The following NDUFAF7 variants were observed in gnomAD, a reference collection of about 807,000 sequenced individuals.
NDUFAF7 encodes protein arginine methyltransferase NDUFAF7, mitochondrial.
A neutral mutation model predicts 47.2 loss-of-function variants in NDUFAF7; 48 were observed. The observed-to-expected ratio is 1.02, with a 90% confidence interval of 0.81 to 1.29. NDUFAF7 has a LOEUF of 1.29. Ranked by LOEUF, NDUFAF7 falls within the 50% of genes most tolerant of loss-of-function variation. NDUFAF7 has a pLI of 0.00. For synonymous variants in NDUFAF7, 217 were observed against 190.0 expected (o/e 1.14, Z -1.17); for missense variants, 635 against 537.6 (o/e 1.18, Z -1.79).
Position 37,241,586 on chromosome 2 carries a change from T to G in NDUFAF7, c.417T>G (p.Thr139=), listed in dbSNP as rs753033501. Residue 139 remains threonine, a synonymous_variant, in exon 5 of 10, where the codon ACT becomes ACG. Transcript: ENST00000002125. ...CTTCTTTTGGTATTTAGGTGTTCAC[T>G]CAACTTGGATCTGTGCTGAAAAATT... The part of the protein sequence containing the change: ...TLVGDILRVF[T]QLGSVLKNCD... 1.4e-5 allele frequency: 22 copies of G among 1,613,216 alleles called. No individual in the cohort carries two copies. In the Admixed American group the frequency reaches 3.3e-4, roughly 24 times the overall value.
the NDUFAF7 span, among the ~76,000 whole-genome samples, chr2:37,260,068 G>C: frequency 6.6e-6 from 1 of 151,982 alleles, no homozygotes. Context: ...GGGAGGCTGA[G>C]GCATGAGAAT....
downstream of NDUFAF7, chr2:37,256,584 A>C: frequency 7.1e-7 from 1 of 1,405,884 alleles, no homozygotes; most frequent in South Asian, 1.6e-5. Context: ...AGACAGACTG[A>C]TTTGGGATGA....
chr2:37,267,284 A>C, the NDUFAF7 span: 1 of 504,566 alleles, frequency 2.0e-6, no homozygotes, highest in Non-Finnish European at 3.4e-6. Context: ...AACTACTACC[A>C]TAAAGCAAGA....
the NDUFAF7 span, among the ~76,000 whole-genome samples, chr2:37,260,928 A>G: frequency 6.6e-6 from 1 of 152,332 alleles, no homozygotes; most frequent in South Asian, 2.1e-4. Context: ...AGGGTTGGAG[A>G]TACACAAAGA....
chr2:37,241,435 T>A (rs1446856078), intron 4 of NDUFAF7, 143 bp from the exon 5 acceptor site: 1 of 694,810 alleles, frequency 1.4e-6, no homozygotes, highest in Non-Finnish European at 2.5e-6. Flanking sequence ...TCTTATAGAC[T>A]GCTGGAGAGT....
chr2:37,259,003 C>T, the NDUFAF7 span, among the ~76,000 whole-genome samples: 6 of 151,664 alleles, frequency 4.0e-5, no homozygotes, highest in African/African-American at 1.5e-4. Flanking sequence ...GGGTTATGAT[C>T]CATTTCATAG....
At chr2:37,250,496 C>T (rs2148456896), downstream of NDUFAF7, 1 of 152,102 alleles carries the variant, frequency 6.6e-6, no homozygotes, top group East Asian at 1.9e-4. Flanking sequence ...AGATAATCAA[C>T]TCAAATTTAG....
rs536224171 is a variant in NDUFAF7 at position 37,232,270 on chromosome 2, T to G, written c.216+4T>G. On this transcript the variant is annotated splice_donor_region_variant and intron_variant, in intron 2 of 9. Transcript: ENST00000002125. ...GGTGTTGACTAATCCAGCCAAGGTA[T>G]GGGTCGGGTAGCCCGAGGACTAGGC... is the stretch of plus-strand genomic sequence containing the variant. The G allele has an allele frequency of 2.5e-6, 4 of 1,612,604 alleles. No individual in the cohort carries two copies. The highest frequency in any genetic ancestry group is 3.4e-6 in the Non-Finnish European group (4 of 1,179,960).
chr2:37,265,413 T>C, the NDUFAF7 span, among the ~76,000 whole-genome samples: 22,023 of 152,100 alleles, frequency 0.14, 2,230 homozygotes, highest in East Asian at 0.34. Flanking sequence ...ATTGTACTAA[T>C]AGAATATTCT....
At chr2:37,233,641 G>A (rs9973852) in intron 2 of NDUFAF7, among the ~76,000 whole-genome samples, 88,300 of 141,596 alleles carry the variant, frequency 0.62, 27,834 homozygotes, top group East Asian at 0.98. Flanking sequence ...AAAAAAAAAA[G>A]TGAGCCTGGT....
intron 4 of NDUFAF7, among the ~76,000 whole-genome samples, chr2:37,241,342 A>T (rs1666310256): frequency 6.6e-6 from 1 of 152,162 alleles, no homozygotes; most frequent in Non-Finnish European, 1.5e-5. Flanking sequence ...TTCATTTGTT[A>T]ATCATAATTT....
At chr2:37,249,536 C>T (rs1030538343), downstream of NDUFAF7, among the ~76,000 whole-genome samples, 6 of 143,394 alleles carry the variant, frequency 4.2e-5, no homozygotes, top group East Asian at 8.3e-4. Flanking sequence ...GAGATTGCTC[C>T]GTTGCACTCT....
intron 2 of NDUFAF7, 54 bp downstream of exon 2, chr2:37,232,320 C>T: frequency 3.1e-6 from 5 of 1,606,026 alleles, no homozygotes; most frequent in East Asian, 2.2e-5. Flanking sequence ...TTGCGAGGTG[C>T]AAGCCAGGAG....
At chr2:37,245,850 G>A (rs1396889985) in intron 7 of NDUFAF7, among the ~76,000 whole-genome samples, 1 of 152,220 alleles carries the variant, frequency 6.6e-6, no homozygotes, top group Non-Finnish European at 1.5e-5. Context: ...TGTATATCAA[G>A]TGGGATAGCA....
chr2:37,235,998 A>G (rs1665713034), intron 2 of NDUFAF7, 98 bp from the exon 3 acceptor site: 1 of 1,074,462 alleles, frequency 9.3e-7, no homozygotes, highest in Non-Finnish European at 1.4e-6. Context: ...TTACTAAATA[A>G]TTATTTCACT....
At position 37,248,672 on chromosome 2, in the gene NDUFAF7, TGGGAGGCTGAGGTGGGC is replaced by T. The variant is rs1667181061; in HGVS notation, c.*323_*339del. The T allele has an allele frequency of 2.8e-6, 1 of 354,518 alleles. No homozygotes were observed. Among genetic ancestry groups the T allele is most frequent in the Admixed American group, 3.9e-5 (1 of 25,930 alleles). 22.0% of individuals were successfully genotyped at this position (354,518 alleles called of 1,614,324 possible). A position where few individuals can be genotyped will look rare whatever the true frequency, so the allele number is the denominator to read the frequency against. On this transcript the variant is annotated 3_prime_UTR_variant, in exon 10 of 10. Coordinates refer to ENST00000002125, the MANE Select transcript of NDUFAF7 (RefSeq NM_144736.5). ...GCTCATGCCTGTAATCCCAGCACTT[TGGGAGGCTGAGGTGGGC>T]ATATCACCTGAGGTCAGCAGTTAAA...
At chr2:37,258,991 T>C in the NDUFAF7 span, among the ~76,000 whole-genome samples, 1 of 151,986 alleles carries the variant, frequency 6.6e-6, no homozygotes, top group Non-Finnish European at 1.5e-5. Flanking sequence ...GTTTCAGAAT[T>C]TGGGTTATGA....
intron 2 of NDUFAF7, among the ~76,000 whole-genome samples, chr2:37,234,711 G>A (rs1478988738): frequency 6.6e-6 from 1 of 152,136 alleles, no homozygotes; most frequent in Non-Finnish European, 1.5e-5. Context: ...AGAGAGAAGG[G>A]GACAGCTAAA....
At chr2:37,231,829 G>T (rs1665165966) in intron 1 of NDUFAF7, 69 bp downstream of exon 1, 55 of 1,606,788 alleles carry the variant, frequency 3.4e-5, no homozygotes, top group Non-Finnish European at 4.6e-5. Flanking sequence ...CAGCTCTTCA[G>T]TTGAGGGTAC....
Sources: gnomAD v4.1 joint callset for allele counts (sites outside exome capture counted in the v4.1 genomes callset) on GRCh38, gnomAD v4.1.1 for gene constraint, MANE v1.5 for transcripts, NCBI Gene and HGNC (gene_info 2026-07-23, HGNC 2026-07-21) for gene names.